Variants in KCNT2 observed in about 807,000 individuals in gnomAD.
KCNT2 encodes potassium sodium-activated channel subfamily T member 2, also known as potassium channel subfamily T member 2.
Under a neutral mutation model 153.8 loss-of-function variants are expected in KCNT2, and 67 were observed. The ratio of observed to expected loss-of-function variants is 0.44; its 90% CI spans 0.36 to 0.53. The LOEUF (loss-of-function observed/expected upper bound fraction) is 0.53. KCNT2 is among the 20% of genes least tolerant of loss of function. The pLI is 0.00. For synonymous variants in KCNT2, 500 were observed against 458.8 expected, an observed-to-expected ratio of 1.09 and a Z score of -1.15; for missense variants, 975 against 1,354.8, an observed-to-expected ratio of 0.72 and a Z score of 4.40.
At chr1:196,231,554 C>T (rs1036763881) in intron 27 of KCNT2, among the ~76,000 whole-genome samples, 1 of 151,604 alleles carries the variant, frequency 6.6e-6, no homozygotes, top group Non-Finnish European at 1.5e-5. Context: ...TGAAAAAGAA[C>T]AACAGAGAGA....
At chr1:196,270,757 G>A (rs1657989962) in intron 25 of KCNT2, among the ~76,000 whole-genome samples, 1 of 151,786 alleles carries the variant, frequency 6.6e-6, no homozygotes, top group African/African-American at 2.4e-5. Context: ...GCGTGTAAGT[G>A]TAGAACCTAT....
chr1:196,588,664 A>T (rs1662978374), intron 1 of KCNT2, among the ~76,000 whole-genome samples: 1 of 152,008 alleles, frequency 6.6e-6, no homozygotes, highest in South Asian at 2.1e-4. Context: ...AGTAAAAAGG[A>T]TTAACATAGT....
intron 1 of KCNT2, among the ~76,000 whole-genome samples, chr1:196,511,269 G>T (rs1029354724): frequency 1.3e-5 from 2 of 151,974 alleles, no homozygotes; most frequent in Non-Finnish European, 2.9e-5. Context: ...TGTTCACCCC[G>T]GTGCTATCTG....
rs1175784961 is a variant in KCNT2, at chr1:196,367,893, G to A, written c.1403+5247C>T. On this transcript the variant is annotated intron_variant, in intron 14 of 27. Coordinates refer to ENST00000294725, the MANE Select transcript of KCNT2 (RefSeq NM_198503.5). ...ATATAGCCTCAGTTGGCAATAATCT[G>A]CCCCTTTGACATTCTTCCATCTTCT... Among the ~76,000 whole-genome samples the A allele has an allele frequency of 9.2e-5, 14 of 152,240 alleles. No homozygotes were observed. The East Asian group carries it at 2.7e-3, about 29-fold the overall frequency.
chr1:196,554,128 A>G (rs1156864138), intron 1 of KCNT2, among the ~76,000 whole-genome samples: 1 of 151,264 alleles, frequency 6.6e-6, no homozygotes, highest in Non-Finnish European at 1.5e-5. Context: ...AGAGCCAACC[A>G]AACCCCAAAT....
chr1:196,320,354 C>T (rs567521985), intron 19 of KCNT2, among the ~76,000 whole-genome samples: 2 of 151,714 alleles, frequency 1.3e-5, no homozygotes, highest in Non-Finnish European at 2.9e-5. Context: ...CAGGTATATG[C>T]AAAAGAATAT....
intron 8 of KCNT2, among the ~76,000 whole-genome samples, chr1:196,460,808 T>C (rs912902478): frequency 6.6e-6 from 1 of 151,748 alleles, no homozygotes. Flanking sequence ...TATTGAATAT[T>C]ACATATAATT....
intron 1 of KCNT2, among the ~76,000 whole-genome samples, chr1:196,547,326 A>G (rs1184464505): frequency 6.6e-6 from 1 of 151,978 alleles, no homozygotes; most frequent in Non-Finnish European, 1.5e-5. Context: ...TCAAATGTGA[A>G]TATTAAAAAC....
chr1:196,402,270 G>T (rs1671477875), intron 12 of KCNT2, among the ~76,000 whole-genome samples: 1 of 151,452 alleles, frequency 6.6e-6, no homozygotes. Flanking sequence ...ATGTTTTAAT[G>T]ACTATAAAAA....
At chr1:196,466,300 T>C (rs566191928) in intron 7 of KCNT2, among the ~76,000 whole-genome samples, 2 of 152,134 alleles carry the variant, frequency 1.3e-5, no homozygotes, top group South Asian at 4.1e-4. Context: ...AAACAGTATT[T>C]CATCAGGGCA....
chr1:196,439,499 A>G lies in KCNT2; in HGVS notation c.639-9742T>C, dbSNP rs958359918. ...GAAACAAATATGCCCCTTGACAAGT[A>G]TATTGTTTTATGTGGTTTTCAACAA... On this transcript the variant is annotated intron_variant, in intron 8 of 27. Coordinates refer to ENST00000294725, the MANE Select transcript of KCNT2 (RefSeq NM_198503.5). Among the ~76,000 whole-genome samples the G allele has an allele frequency of 2.6e-5, 4 of 151,982 alleles. No individual in the cohort carries two copies. The Admixed American group carries it at 2.6e-4, about 10-fold the overall frequency.
chr1:196,573,269 G>A (rs539387889), intron 1 of KCNT2, among the ~76,000 whole-genome samples: 1 of 152,200 alleles, frequency 6.6e-6, no homozygotes, highest in African/African-American at 2.4e-5. Context: ...AAAATTCTGT[G>A]AAAGCACAAA....
At chr1:196,451,217 C>CTATTTTTTTTTTTTTTTTTTTTTTT (rs1676135727) in intron 8 of KCNT2, among the ~76,000 whole-genome samples, 1 of 63,552 alleles carries the variant, frequency 1.6e-5, no homozygotes, top group African/African-American at 4.7e-5. Context: ...ATCCCTCTTT[C>CTATTTTTTTTTTTTTTTTTTTTTTT]TTTTTTTTTT....
intron 1 of KCNT2, among the ~76,000 whole-genome samples, chr1:196,595,849 T>C (rs1486027748): frequency 6.6e-6 from 1 of 151,834 alleles, no homozygotes; most frequent in African/African-American, 2.4e-5. Flanking sequence ...CCTCCCGACC[T>C]TCCCCACAAG....
At chr1:196,584,988 C>T (rs530815587) in intron 1 of KCNT2, among the ~76,000 whole-genome samples, 1 of 152,148 alleles carries the variant, frequency 6.6e-6, no homozygotes, top group East Asian at 1.9e-4. Context: ...AGTCAGCACA[C>T]ATGTGTTCTG....
At chr1:196,430,347 T>C (rs1674031988) in intron 8 of KCNT2, among the ~76,000 whole-genome samples, 2 of 152,022 alleles carry the variant, frequency 1.3e-5, no homozygotes, top group African/African-American at 4.8e-5. Context: ...CTAATGTTGG[T>C]ATCCTGGGAA....
intron 12 of KCNT2, among the ~76,000 whole-genome samples, chr1:196,418,983 C>G (rs1026383504): frequency 3.9e-5 from 6 of 151,962 alleles, no homozygotes; most frequent in Admixed American, 6.6e-5. Flanking sequence ...GCACTGAGAG[C>G]CTGCTGTTTA....
intron 5 of KCNT2, 121 bp downstream of exon 5, chr1:196,479,058 A>C (rs575078784): frequency 1.2e-5 from 8 of 672,768 alleles, no homozygotes; most frequent in Non-Finnish European, 2.1e-5. Context: ...GAGCGGCTCA[A>C]AACAAAGTGG....
At chr1:196,569,379 A>T (rs541051234) in intron 1 of KCNT2, among the ~76,000 whole-genome samples, 226 of 152,292 alleles carry the variant, frequency 1.5e-3, no homozygotes, top group Non-Finnish European at 2.8e-3. Flanking sequence ...TCCTATTTTT[A>T]AAAATGACCT....
Sources: allele counts gnomAD v4.1 joint callset (sites outside exome capture counted in the v4.1 genomes callset), GRCh38; gene constraint gnomAD v4.1.1; transcripts MANE v1.5; gene names NCBI Gene and HGNC (gene_info 2026-07-23, HGNC 2026-07-21).